Variants in CACNA1H observed in about 807,000 individuals in gnomAD.
CACNA1H encodes voltage-dependent T-type calcium channel subunit alpha-1H.
A neutral mutation model predicts 192.5 loss-of-function variants in CACNA1H; 149 were observed. The ratio of observed to expected loss-of-function variants is 0.77; its 90% CI spans 0.68 to 0.89. The LOEUF (loss-of-function observed/expected upper bound fraction) is 0.89, where lower values mean the gene tolerates loss of function less well. CACNA1H is among the 40% of genes least tolerant of loss of function. CACNA1H has a pLI of 0.00. For missense variants in CACNA1H, 4,257 were observed against 3,423.5 expected (o/e 1.24, Z -6.08); for synonymous variants, 2,202 against 1,475.2 (o/e 1.49, Z -11.29).
At chr16:1,189,709 C>T (rs1017677595) in intron 2 of CACNA1H, among the ~76,000 whole-genome samples, 3 of 152,018 alleles carry the variant, frequency 2.0e-5, no homozygotes, top group Non-Finnish European at 4.4e-5. Flanking sequence ...GGGTGTGAAC[C>T]ACCGGGCCCA....
intron 2 of CACNA1H, among the ~76,000 whole-genome samples, chr16:1,170,737 C>T (rs989431120): frequency 2.0e-5 from 3 of 152,166 alleles, no homozygotes; most frequent in South Asian, 2.1e-4. Context: ...TGGGCCCCCC[C>T]ACCGCCGTGT....
intron 2 of CACNA1H, among the ~76,000 whole-genome samples, chr16:1,176,613 G>A (rs1042885517): frequency 3.9e-5 from 6 of 152,210 alleles, no homozygotes; most frequent in Non-Finnish European, 8.8e-5. Context: ...CCAACCAAGG[G>A]GTTCCGGGTT....
intron 2 of CACNA1H, chr16:1,156,924 C>T (rs891624383): frequency 4.6e-5 from 7 of 152,230 alleles, no homozygotes; most frequent in African/African-American, 7.2e-5. Flanking sequence ...TCCAAGGACG[C>T]CCTTATCCTT....
rs1197878399 is a variant in CACNA1H at position 1,200,418 on chromosome 16, C to T, written c.966C>T (p.Tyr322=). ...RMPCTLGWEA[Y]TQPQAEGVGA... The stretch of plus-strand genomic sequence containing the variant: ...CCTGCACCCTGGGCTGGGAGGCCTA[C>T]ACGCAGCCGCAGGCCGAGGGGGTGG... Residue 322 remains tyrosine (Y), a synonymous_variant, in exon 7 of 35, where the codon TAC becomes TAT. Coordinates refer to ENST00000348261, the MANE Select transcript of CACNA1H (RefSeq NM_021098.3). 2.5e-6 allele frequency: 4 copies of T among 1,609,244 alleles called. No individual in the cohort carries two copies. Among genetic ancestry groups the T allele is most frequent in the Non-Finnish European group, 3.4e-6 (4 of 1,179,096 alleles).
intron 2 of CACNA1H, among the ~76,000 whole-genome samples, chr16:1,194,194 C>T (rs1350264470): frequency 6.6e-6 from 1 of 152,080 alleles, no homozygotes; most frequent in African/African-American, 2.4e-5. Context: ...GCCCCTGAAT[C>T]AGCTGTGAGA....
intron 2 of CACNA1H, among the ~76,000 whole-genome samples, chr16:1,184,588 C>T (rs558037881): frequency 6.6e-6 from 1 of 152,396 alleles, no homozygotes; most frequent in African/African-American, 2.4e-5. Context: ...ATCCAGGCCC[C>T]CTGGTGGAAG....
intron 31 of CACNA1H, among the ~76,000 whole-genome samples, chr16:1,217,284 G>A (rs972593803): frequency 2.6e-5 from 4 of 152,208 alleles, no homozygotes; most frequent in African/African-American, 4.8e-5. Context: ...CACACGTGAG[G>A]GGAAGCAAGA....
chr16:1,153,802 C>G lies in CACNA1H; in HGVS notation c.65C>G (p.Pro22Arg). The change falls in exon 2 of 35, where the codon CCT becomes CGT. Residue 22 changes from proline to arginine, a missense_variant. Transcript: ENST00000348261. ...CCCCTGGGCGCGCCGCCCCCTGGCC[C>G]TGCGGCGTTGGTGGGGGCGTCCCCG... is the stretch of plus-strand genomic sequence containing the variant. ...RVPLGAPPPG[P>R]AALVGASPES... is the part of the protein sequence containing the mutation. 3 of 1,260,516 alleles carry G rather than the reference C, an allele frequency of 2.4e-6. No homozygotes were observed. The highest frequency in any genetic ancestry group is 3.0e-6 in the Non-Finnish European group (3 of 1,003,768). 78.1% of individuals were successfully genotyped at this position (1,260,516 alleles called of 1,614,324 possible). A position where few individuals can be genotyped will look rare whatever the true frequency, so the allele number is the denominator to read the frequency against.
intron 6 of CACNA1H, among the ~76,000 whole-genome samples, chr16:1,199,797 C>T (rs956317849): frequency 1.3e-5 from 2 of 151,768 alleles, no homozygotes; most frequent in African/African-American, 4.8e-5. Context: ...CAGCCCTCAC[C>T]CCAGGGCTGC....
chr16:1,195,702 G>T, intron 4 of CACNA1H, 137 bp downstream of exon 4: 1 of 1,129,150 alleles, frequency 8.9e-7, no homozygotes, highest in Non-Finnish European at 1.3e-6. Context: ...GACCCTGTCT[G>T]GGACTCCGGA....
intron 2 of CACNA1H, among the ~76,000 whole-genome samples, chr16:1,168,847 C>A (rs1425077903): frequency 6.6e-6 from 1 of 152,024 alleles, no homozygotes; most frequent in Non-Finnish European, 1.5e-5. Context: ...TCGGGTACTC[C>A]CTCCTCCTCA....
chr16:1,216,206 C>A (rs77265885), intron 30 of CACNA1H, among the ~76,000 whole-genome samples: 1 of 152,180 alleles, frequency 6.6e-6, no homozygotes, highest in Non-Finnish European at 1.5e-5. Flanking sequence ...CCTGTCCCTG[C>A]GCCATCTGTC....
intron 14 of CACNA1H, 129 bp from the exon 15 acceptor site, chr16:1,207,641 G>A: frequency 1.1e-6 from 1 of 946,864 alleles, no homozygotes; most frequent in South Asian, 1.5e-5. Context: ...GCCCACCCTG[G>A]CAGTGACATC....
intron 30 of CACNA1H, 140 bp from the exon 31 acceptor site, chr16:1,216,792 C>A: frequency 4.9e-6 from 3 of 618,204 alleles, no homozygotes; most frequent in Non-Finnish European, 8.1e-6. Context: ...TGGGAACTTG[C>A]TTCCACTTGG....
At position 1,198,611 on chromosome 16, in the gene CACNA1H, A is replaced by C; in HGVS notation, c.644-4A>C. The C allele has an allele frequency of 6.2e-7, 1 of 1,612,454 alleles. No individual in the cohort carries two copies. The highest frequency in any genetic ancestry group is 8.5e-7 in the Non-Finnish European group (1 of 1,179,580). ...AGTGCCAATCCTGGCCCTGCTGCCC[A>C]CAGGCATGCGGATCCTGGTCACTCT... On this transcript the variant is annotated splice_region_variant and splice_polypyrimidine_tract_variant and intron_variant, in intron 5 of 34. Transcript: ENST00000348261.
rs1430635966 is a variant in CACNA1H, at chr16:1,206,781, T to C, written c.2790-220T>C. On this transcript the variant is annotated intron_variant, in intron 12 of 34. Transcript: ENST00000348261. ...CTGTCTGTCCCGCCTCTGGTCTTGG[T>C]TCTCTCGCCTGTGGAATGGACACTA... The C allele has an allele frequency of 5.6e-6, 3 of 533,444 alleles. No homozygotes were observed. In the East Asian group the frequency reaches 9.2e-5, roughly 16 times the overall value. 33.0% of individuals were successfully genotyped at this position (533,444 alleles called of 1,614,324 possible).
In CACNA1H at chr16:1,215,331, A is replaced by G. The variant is rs1178633382; in HGVS notation, c.5129A>G (p.Asn1710Ser). ...GAGATGAGCGCCGCGCTGCCCATCA[A>G]CCCCACCATCATCCGCATCATGCGC... is the stretch of plus-strand genomic sequence containing the variant. ...EIEMSAALPI[N>S]PTIIRIMRVL... Residue 1710 changes from asparagine (N) to serine (S), a missense_variant, in exon 29 of 35, where the codon AAC becomes AGC. Asn to Ser is a conservative substitution (Grantham distance 46). Coordinates refer to ENST00000348261, the MANE Select transcript of CACNA1H (RefSeq NM_021098.3). 1.2e-6 allele frequency: 2 copies of G among 1,609,760 alleles called. No individual in the cohort carries two copies. The highest frequency in any genetic ancestry group is 4.5e-5 in the East Asian group (2 of 44,672).
At chr16:1,178,098 G>A (rs1965088230) in intron 2 of CACNA1H, among the ~76,000 whole-genome samples, 1 of 99,146 alleles carries the variant, frequency 1.0e-5, no homozygotes, top group Non-Finnish European at 2.0e-5. Flanking sequence ...CTCTCCCTGG[G>A]GCCTCCCCCG....
At chr16:1,208,797 C>T (rs936314566) in intron 16 of CACNA1H, among the ~76,000 whole-genome samples, 12 of 152,164 alleles carry the variant, frequency 7.9e-5, no homozygotes, top group African/African-American at 2.9e-4. Flanking sequence ...GGTTCTGGCC[C>T]CTGACCCAGC....
Sources: gnomAD v4.1 joint callset for allele counts (sites outside exome capture counted in the v4.1 genomes callset) on GRCh38, gnomAD v4.1.1 for gene constraint, MANE v1.5 for transcripts, NCBI Gene and HGNC (gene_info 2026-07-23, HGNC 2026-07-21) for gene names.